TCF7L1: variants seen among roughly 807,000 people sequenced by gnomAD.
TCF7L1 encodes transcription factor 7-like 1.
A neutral mutation model predicts 63.7 loss-of-function variants in TCF7L1; 18 were observed. The observed-to-expected ratio is 0.28, with a 90% confidence interval of 0.20 to 0.42. The LOEUF (loss-of-function observed/expected upper bound fraction) is 0.42. TCF7L1 is among the 10% of genes least tolerant of loss of function. The probability of loss-of-function intolerance (pLI) is 1.00; values close to 1 mark genes in which losing one functional copy is unlikely to be tolerated. For missense variants in TCF7L1, 654 were observed against 779.3 expected (o/e 0.84, Z 1.91); for synonymous variants, 355 against 340.9 (o/e 1.04, Z -0.46).
Position 85,219,817 on chromosome 2 carries a change from G to T in TCF7L1, c.442-63678G>T, listed in dbSNP as rs929368059. On this transcript the variant is annotated intron_variant, in intron 3 of 11. Coordinates refer to ENST00000282111, the MANE Select transcript of TCF7L1 (RefSeq NM_031283.3). ...CCCAAGAGAATGATAATTGCATTTG[G>T]TTATACAGGAGAATGCCCTGGTGTT... is the stretch of plus-strand genomic sequence containing the variant. Among the ~76,000 whole-genome samples the T allele has an allele frequency of 5.1e-4, 77 of 152,232 alleles. 1 individual carries two copies. Among genetic ancestry groups the T allele is most frequent in the African/African-American group, 1.9e-3 (77 of 41,454 alleles).
intron 3 of TCF7L1, among the ~76,000 whole-genome samples, chr2:85,191,839 A>G (rs931984393): frequency 2.0e-5 from 3 of 152,084 alleles, no homozygotes; most frequent in African/African-American, 7.2e-5. Context: ...AAAAAAAAAA[A>G]AAGAAGTTTA....
intron 3 of TCF7L1, among the ~76,000 whole-genome samples, chr2:85,235,553 G>GT (rs1252452952): frequency 1.3e-5 from 2 of 152,024 alleles, no homozygotes; most frequent in Admixed American, 1.3e-4. Context: ...TTCCTCATCT[G>GT]TACCATGGAG....
chr2:85,238,361 G>A (rs1411023494), intron 3 of TCF7L1, among the ~76,000 whole-genome samples: 2 of 152,154 alleles, frequency 1.3e-5, no homozygotes, highest in African/African-American at 4.8e-5. Flanking sequence ...CTGGGGGAAG[G>A]GCACAAGCAA....
At chr2:85,205,038 C>T (rs890616220) in intron 3 of TCF7L1, 2 of 151,920 alleles carry the variant, frequency 1.3e-5, no homozygotes, top group African/African-American at 2.4e-5. Flanking sequence ...TTTTAAACAA[C>T]ATATTTAGAG....
At chr2:85,238,030 T>C (rs1162489313) in intron 3 of TCF7L1, among the ~76,000 whole-genome samples, 1 of 151,962 alleles carries the variant, frequency 6.6e-6, no homozygotes, top group Non-Finnish European at 1.5e-5. Context: ...GCCGCCAGGG[T>C]CAGTGGGAGG....
intron 3 of TCF7L1, among the ~76,000 whole-genome samples, chr2:85,226,462 G>T (rs1365434322): frequency 5.9e-5 from 9 of 152,150 alleles, no homozygotes; most frequent in Non-Finnish European, 1.2e-4. Flanking sequence ...GCAAAGCCAG[G>T]ATTTGAATCT....
chr2:85,194,868 A>G (rs575980744), intron 3 of TCF7L1, among the ~76,000 whole-genome samples: 1 of 152,238 alleles, frequency 6.6e-6, no homozygotes, highest in Non-Finnish European at 1.5e-5. Flanking sequence ...CACTGGTTCA[A>G]GTTTAATCAC....
Position 85,255,226 on chromosome 2 carries a change from C to T in TCF7L1, c.442-28269C>T, listed in dbSNP as rs545156832. Among the ~76,000 whole-genome samples the T allele has an allele frequency of 1.1e-4, 16 of 152,264 alleles. 1 individual carries two copies. In the South Asian group the frequency reaches 3.3e-3, roughly 32 times the overall value. On this transcript the variant is annotated intron_variant, in intron 3 of 11. Coordinates refer to ENST00000282111, the MANE Select transcript of TCF7L1 (RefSeq NM_031283.3). ...GCTAATGCATGCGATTGTTCACTTCCAGGGCCTCTGGTTCAGGACCAGGGT... is the reference window on the plus strand; with the variant it reads ...GCTAATGCATGCGATTGTTCACTTCTAGGGCCTCTGGTTCAGGACCAGGGT...
chr2:85,187,028 C>T (rs1678943007), intron 3 of TCF7L1, among the ~76,000 whole-genome samples: 2 of 152,184 alleles, frequency 1.3e-5, no homozygotes, highest in African/African-American at 2.4e-5. Flanking sequence ...TCCCCTGCCC[C>T]CAGCCCTGAC....
In TCF7L1 at chr2:85,304,325, G is replaced by A. The variant is rs565933070; in HGVS notation, c.832G>A (p.Ala278Thr). The change falls in exon 7 of 12, where the codon GCC (alanine) becomes ACC (threonine). Residue 278 changes from alanine (A) to threonine (T), a missense_variant. By Grantham distance (58) the Ala-to-Thr change is moderately conservative. Coordinates refer to ENST00000282111, the MANE Select transcript of TCF7L1 (RefSeq NM_031283.3). ...CCCTTACCCCGCCCTCGCCATGAAC[G>A]CCTCGATGTCCAGGTGAGTCCCGGG... ...RHPYPALAMN[A>T]SMSSLVSSRF... 1.1e-5 allele frequency: 18 copies of A among 1,613,850 alleles called. No individual in the cohort carries two copies. The highest frequency in any genetic ancestry group is 3.3e-5 in the South Asian group (3 of 91,068).
chr2:85,300,248 G>C (rs1323030463), intron 4 of TCF7L1, among the ~76,000 whole-genome samples: 1 of 151,894 alleles, frequency 6.6e-6, no homozygotes, highest in Admixed American at 6.6e-5. Context: ...TTTTCACGCT[G>C]GTAATAATTC....
intron 3 of TCF7L1, among the ~76,000 whole-genome samples, chr2:85,278,607 T>C (rs1352816638): frequency 6.6e-6 from 1 of 152,168 alleles, no homozygotes; most frequent in Non-Finnish European, 1.5e-5. Context: ...ATGCAACAAC[T>C]GCTCCAATGA....
intron 3 of TCF7L1, among the ~76,000 whole-genome samples, chr2:85,238,791 T>C (rs1262089226): frequency 8.8e-6 from 1 of 113,526 alleles, no homozygotes; most frequent in Non-Finnish European, 1.7e-5. Context: ...ATTTATTTAT[T>C]TATTTATTTA....
chr2:85,134,051 C>G lies in TCF7L1; in HGVS notation c.285C>G (p.Phe95Leu). Residue 95 changes from phenylalanine to leucine, a missense_variant, in exon 2 of 12, where the codon TTC becomes TTG. Coordinates refer to ENST00000282111, the MANE Select transcript of TCF7L1 (RefSeq NM_031283.3). The surrounding 1 kb of genome is among the most constrained non-coding windows in gnomAD (Gnocchi z 5.0). ...GCCCGCAGCCCGTCCGGGACACTTT[C>G]CAGAAGCCGCGGGACTATTTCGCCG... ...ERRPQPVRDTFQKPRDYFAEV... is the reference protein window; with the variant it reads ...ERRPQPVRDTLQKPRDYFAEV... 1 of 1,610,942 alleles carries G rather than the reference C, an allele frequency of 6.2e-7. No individual in the cohort carries two copies. The highest frequency in any genetic ancestry group is 8.5e-7 in the Non-Finnish European group (1 of 1,179,254).
intron 3 of TCF7L1, among the ~76,000 whole-genome samples, chr2:85,170,552 C>T (rs1678523866): frequency 6.6e-6 from 1 of 152,158 alleles, no homozygotes; most frequent in African/African-American, 2.4e-5. Context: ...CACTGCCTTC[C>T]TGCTGTTATC....
chr2:85,294,287 C>T (rs978592627), intron 4 of TCF7L1, among the ~76,000 whole-genome samples: 4 of 152,076 alleles, frequency 2.6e-5, no homozygotes, highest in African/African-American at 7.2e-5. Context: ...GTGCCCGCCT[C>T]GGCCTCCCAA....
Position 85,134,219 on chromosome 2 carries a change from CG to C in TCF7L1, c.314-103del. On this transcript the variant is annotated intron_variant, in intron 2 of 11. Transcript: ENST00000282111. The surrounding 1 kb of genome is among the most constrained non-coding windows in gnomAD (Gnocchi z 5.0). ...TATTGGCGGCAGCCCCCGTGGGGCGCGCGTGGGGGGCGCTGGGGTCCCCAGC... is the reference window on the plus strand; with the variant it reads ...TATTGGCGGCAGCCCCCGTGGGGCGCCGTGGGGGGCGCTGGGGTCCCCAGC... 1.4e-6 allele frequency: 2 copies of C among 1,478,578 alleles called. No individual in the cohort carries two copies. The highest frequency in any genetic ancestry group is 2.8e-5 in the South Asian group (2 of 72,614). 91.6% of individuals were successfully genotyped at this position (1,478,578 alleles called of 1,614,324 possible).
chr2:85,160,549 C>CT (rs34308802), intron 3 of TCF7L1, among the ~76,000 whole-genome samples: 6 of 152,090 alleles, frequency 3.9e-5, no homozygotes, highest in East Asian at 1.9e-4. Flanking sequence ...CTTGGTACAC[C>CT]TTTTTTTAAA....
At chr2:85,240,450 G>A (rs1313767164) in intron 3 of TCF7L1, among the ~76,000 whole-genome samples, 1 of 152,142 alleles carries the variant, frequency 6.6e-6, no homozygotes, top group African/African-American at 2.4e-5. Flanking sequence ...TGTTAGAGGT[G>A]AAGGAGATAA....
Sources: gnomAD v4.1 joint callset for allele counts (sites outside exome capture counted in the v4.1 genomes callset) on GRCh38, gnomAD v4.1.1 for gene constraint, Gnocchi (gnomAD v3.1) non-coding constraint, MANE v1.5 for transcripts, NCBI Gene and HGNC (gene_info 2026-07-23, HGNC 2026-07-21) for gene names.